Variants in DNMT1 observed in about 807,000 individuals in gnomAD.
DNMT1 encodes the protein DNA methyltransferase 1.
DNMT1 carries 24 observed loss-of-function variants against 205.3 expected under a neutral mutation model. That is an observed-to-expected ratio of 0.12 (90% confidence interval 0.08 to 0.16). DNMT1 has a LOEUF of 0.16. Among genes scored for constraint, DNMT1 ranks in the 10% least tolerant of loss-of-function variants. DNMT1 has a pLI of 1.00. For missense variants in DNMT1, 1,293 were observed against 2,177.7 expected, an observed-to-expected ratio of 0.59 and a Z score of 8.09; for synonymous variants, 817 against 839.8, an observed-to-expected ratio of 0.97 and a Z score of 0.47.
chr19:10,140,183 G>A lies in DNMT1; in HGVS notation c.3669C>T (p.Arg1223=), dbSNP rs147755768. ...LVMAGETTNS[R]GQRLPQKGDV... is the part of the protein sequence containing the mutation. ...CTCCCTTCTGGGGCAGCCGCTGGCC[G>A]CGGGAGTTGGTGGTCTCCCCAGCCA... is the stretch of plus-strand genomic sequence containing the variant. Residue 1223 remains arginine (R), a synonymous_variant, in exon 33 of 41, where the codon CGC becomes CGT. Coordinates refer to ENST00000359526, the MANE Select transcript of DNMT1 (RefSeq NM_001130823.3). This position sits in a 1 kb window ranked among gnomAD's most constrained non-coding sequence, Gnocchi z 8.4. 1.7e-4 allele frequency: 272 copies of A among 1,613,982 alleles called. No homozygotes were observed. The highest frequency in any genetic ancestry group is 2.2e-4 in the Non-Finnish European group (261 of 1,180,030).
rs541651373 is a variant in DNMT1 at position 10,133,801 on chromosome 19, G to A, written c.4865-100C>T. On this transcript the variant is annotated intron_variant, in intron 40 of 40. Transcript: ENST00000359526. The surrounding 1 kb of genome is among the most constrained non-coding windows in gnomAD (Gnocchi z 4.1). ...ACATGGACCATCAGGAAACATTAACGTACTGATGTTAACAGCTGACCCAAT... is the reference window on the plus strand; with the variant it reads ...ACATGGACCATCAGGAAACATTAACATACTGATGTTAACAGCTGACCCAAT... The A allele has an allele frequency of 6.6e-5, 84 of 1,272,120 alleles. No homozygotes were observed. Among genetic ancestry groups the A allele is most frequent in the African/African-American group, 4.3e-4 (29 of 67,734 alleles). 78.8% of individuals were successfully genotyped at this position (1,272,120 alleles called of 1,614,324 possible).
At chr19:10,158,664 G>A (rs1284539755) in intron 17 of DNMT1, among the ~76,000 whole-genome samples, 20 of 152,184 alleles carry the variant, frequency 1.3e-4, no homozygotes, top group East Asian at 1.9e-4. Flanking sequence ...CGTGAGCCTC[G>A]GTGAAGGTAC....
At chr19:10,185,240 A>G (rs2039155217) in intron 1 of DNMT1, among the ~76,000 whole-genome samples, 1 of 151,998 alleles carries the variant, frequency 6.6e-6, no homozygotes, top group Non-Finnish European at 1.5e-5. Flanking sequence ...CCTGGCTAAC[A>G]CAGTGAAACC....
chr19:10,138,476 C>A lies in DNMT1; in HGVS notation c.4078G>T (p.Val1360Leu), dbSNP rs1233616787. The change falls in exon 35 of 41, where the codon GTG becomes TTG. Residue 1360 changes from valine to leucine, a missense_variant. By Grantham distance (32) the Val-to-Leu change is conservative. Around this residue, in one of 13 missense-constraint regions of DNMT1, gnomAD observed 148 missense variants for 256.1 expected, o/e 0.58. Coordinates refer to ENST00000359526, the MANE Select transcript of DNMT1 (RefSeq NM_001130823.3). This position sits in a 1 kb window ranked among gnomAD's most constrained non-coding sequence, Gnocchi z 4.1. ...FAPRACQLSV[V>L]VDDKKFVSNI... is the part of the protein sequence containing the mutation. Reference sequence around the variant, plus strand: ...CTCACAAACTTCTTGTCATCCACCACCACGCTCAGCTGGCAGGCCCGGGGA... The same window carrying A: ...CTCACAAACTTCTTGTCATCCACCAACACGCTCAGCTGGCAGGCCCGGGGA... The A allele has an allele frequency of 6.2e-7, 1 of 1,613,974 alleles. No homozygotes were observed. The highest frequency in any genetic ancestry group is 2.2e-5 in the East Asian group (1 of 44,892).
chr19:10,173,060 T>G, intron 9 of DNMT1, 30 bp downstream of exon 9: 2 of 1,613,392 alleles, frequency 1.2e-6, no homozygotes, highest in South Asian at 2.2e-5. Context: ...TAAGGGAGAA[T>G]TAACAAACTT....
chr19:10,136,390 A>T, intron 37 of DNMT1, 103 bp from the exon 38 acceptor site: 1 of 1,505,250 alleles, frequency 6.6e-7, no homozygotes, highest in South Asian at 1.2e-5. Context: ...CCTCCTGTGC[A>T]AGGGGCCCCC....
chr19:10,136,963 C>G (rs1281957467), intron 37 of DNMT1, 122 bp downstream of exon 37: 2 of 1,354,594 alleles, frequency 1.5e-6, no homozygotes, highest in African/African-American at 2.9e-5. Context: ...GCTACCTTCT[C>G]TGGGACACCC....
chr19:10,154,906 T>C lies in DNMT1; in HGVS notation c.1643A>G (p.Glu548Gly). 6.2e-7 allele frequency: 1 copy of C among 1,614,180 alleles called. No homozygotes were observed. Among genetic ancestry groups the C allele is most frequent in the Non-Finnish European group, 8.5e-7 (1 of 1,180,036 alleles). The part of the protein sequence containing the change: ...STYEDLINKI[E>G]TTVPPSGLNL... ...TGCTGAGGACCCTCGATCTCTTACC[T>C]CGATCTTGTTGATCAGGTCCTCATA... Residue 548 changes from glutamate to glycine, a missense_variant and splice_region_variant, in exon 20 of 41, where the codon GAG becomes GGG. By Grantham distance (98) the Glu-to-Gly change is moderately conservative. Transcript: ENST00000359526. This position sits in a 1 kb window ranked among gnomAD's most constrained non-coding sequence, Gnocchi z 6.3.
At chr19:10,134,093 C>CAA (rs2089428555) in intron 40 of DNMT1, 124 bp downstream of exon 40, 1 of 947,298 alleles carries the variant, frequency 1.1e-6, no homozygotes, top group Non-Finnish European at 1.7e-6. Flanking sequence ...AAAGATGGGG[C>CAA]CACGAACGTG....
intron 10 of DNMT1, among the ~76,000 whole-genome samples, chr19:10,167,650 G>A (rs141771393): frequency 2.0e-3 from 301 of 152,300 alleles, no homozygotes; most frequent in African/African-American, 6.9e-3. Flanking sequence ...AAGATCAGCC[G>A]ACAGCCACCA....
At position 10,194,801 on chromosome 19, in the gene DNMT1, T is replaced by C. The variant is rs1568265707; in HGVS notation, c.80+19A>G. 8.7e-6 allele frequency: 14 copies of C among 1,609,386 alleles called. No homozygotes were observed. The highest frequency in any genetic ancestry group is 1.1e-5 in the Non-Finnish European group (13 of 1,178,428). ...CCTGCCTGTCCCCCTGAGTCCGTGT[T>C]CCCCCCCATGGTACCTACCGCCTGC... On this transcript the variant is annotated intron_variant, in intron 1 of 40. Coordinates refer to ENST00000359526, the MANE Select transcript of DNMT1 (RefSeq NM_001130823.3).
In DNMT1 at chr19:10,151,123, T is replaced by C. The variant is rs2038334105; in HGVS notation, c.2265+275A>G. On this transcript the variant is annotated intron_variant, in intron 24 of 40. Transcript: ENST00000359526. The surrounding 1 kb of genome is among the most constrained non-coding windows in gnomAD (Gnocchi z 5.0). Reference sequence around the variant, plus strand: ...CAAAACAAAACAGAAAAACAAGCTATGAGGGCTCACCTGCCTGATGCCCCT... The same window carrying C: ...CAAAACAAAACAGAAAAACAAGCTACGAGGGCTCACCTGCCTGATGCCCCT... Among the ~76,000 whole-genome samples the C allele has an allele frequency of 2.0e-5, 3 of 152,060 alleles. No homozygotes were observed. The highest frequency in any genetic ancestry group is 7.2e-5 in the African/African-American group (3 of 41,412).
chr19:10,160,781 G>T (rs1568239104), intron 13 of DNMT1, among the ~76,000 whole-genome samples: 2 of 152,208 alleles, frequency 1.3e-5, no homozygotes, highest in African/African-American at 2.4e-5. Flanking sequence ...CAGATACTCA[G>T]AAGGCTGAGG....
intron 9 of DNMT1, among the ~76,000 whole-genome samples, chr19:10,171,804 C>A (rs1599385564): frequency 7.1e-6 from 1 of 139,922 alleles, no homozygotes; most frequent in East Asian, 2.1e-4. Context: ...GACTCCGTCT[C>A]AAATAAATAA....
chr19:10,142,062 G>T lies in DNMT1; in HGVS notation c.3275C>A (p.Ser1092Tyr). The change falls in exon 30 of 41, where the codon TCC becomes TAC. Residue 1092 changes from serine to tyrosine, a missense_variant. Physicochemically the swap from Ser to Tyr is moderately radical, Grantham distance 144 (BLOSUM62 -2). Coordinates refer to ENST00000359526, the MANE Select transcript of DNMT1 (RefSeq NM_001130823.3). ...GTAGAAGCGGTTGGGGCCGCCCATG[G>T]AGTACACCTGGACGCACTCGGGCAG... ...EDLPECVQVY[S>Y]MGGPNRFYFL... 6.2e-7 allele frequency: 1 copy of T among 1,611,958 alleles called. No individual in the cohort carries two copies. Among genetic ancestry groups the T allele is most frequent in the Non-Finnish European group, 8.5e-7 (1 of 1,178,356 alleles).
chr19:10,183,986 C>A (rs767994525), intron 1 of DNMT1, among the ~76,000 whole-genome samples: 1 of 152,100 alleles, frequency 6.6e-6, no homozygotes, highest in African/African-American at 2.4e-5. Flanking sequence ...CCTGGGAGGT[C>A]GAGGCCACAG....
intron 27 of DNMT1, 46 bp downstream of exon 27, chr19:10,148,838 T>G: frequency 6.2e-7 from 1 of 1,613,624 alleles, no homozygotes; most frequent in East Asian, 2.2e-5. Flanking sequence ...GGGAGTGATG[T>G]GGGCTGAAAG....
intron 7 of DNMT1, among the ~76,000 whole-genome samples, chr19:10,175,080 TACATACACACACACAC>T (rs1472475681): frequency 5.5e-5 from 5 of 90,610 alleles, no homozygotes; most frequent in Non-Finnish European, 1.0e-4. Flanking sequence ...AATACATACA[TACATACACACACACAC>T]ACACACACAC....
chr19:10,190,146 G>A (rs916883530), intron 1 of DNMT1, among the ~76,000 whole-genome samples: 1 of 152,156 alleles, frequency 6.6e-6, no homozygotes, highest in African/African-American at 2.4e-5. Context: ...GAGTTAAGGA[G>A]TTCAAGACCT....
Sources: allele counts gnomAD v4.1 joint callset (sites outside exome capture counted in the v4.1 genomes callset), GRCh38; gene constraint gnomAD v4.1.1; regional missense constraint gnomAD v4.1.1; non-coding constraint Gnocchi (gnomAD v3.1); transcripts MANE v1.5; gene names NCBI Gene and HGNC (gene_info 2026-07-23, HGNC 2026-07-21).